The following INO80D variants were observed in gnomAD, a reference collection of about 807,000 sequenced individuals.
INO80D encodes INO80 complex subunit D.
A neutral mutation model predicts 87.6 loss-of-function variants in INO80D; 21 were observed. That is an observed-to-expected ratio of 0.24 (90% CI 0.17 to 0.35). INO80D has a LOEUF of 0.35. Among genes scored for constraint, INO80D ranks in the 10% least tolerant of loss-of-function variants. The probability of loss-of-function intolerance (pLI) is 1.00; values close to 1 mark genes in which losing one functional copy is unlikely to be tolerated. For missense variants in INO80D, 982 were observed against 1,280.7 expected, an observed-to-expected ratio of 0.77 and a Z score of 3.56; for synonymous variants, 440 against 491.0, an observed-to-expected ratio of 0.90 and a Z score of 1.37.
intron 1 of INO80D, among the ~76,000 whole-genome samples, chr2:206,075,955 G>A (rs1490567380): frequency 2.6e-5 from 4 of 151,204 alleles, no homozygotes; most frequent in Non-Finnish European, 4.4e-5. Context: ...TGGAGGCTGA[G>A]ACAGGAAAAC....
intron 5 of INO80D, among the ~76,000 whole-genome samples, chr2:206,039,936 A>C (rs1174400875): frequency 6.6e-6 from 1 of 152,090 alleles, no homozygotes; most frequent in Admixed American, 6.6e-5. Context: ...AAGCTTCTGA[A>C]TCTAACTCAA....
At chr2:206,021,837 C>A (rs1487397926) in intron 6 of INO80D, among the ~76,000 whole-genome samples, 1 of 151,620 alleles carries the variant, frequency 6.6e-6, no homozygotes, top group East Asian at 2.0e-4. Context: ...TGGTCTTGAA[C>A]TCCTGACCTC....
intron 5 of INO80D, among the ~76,000 whole-genome samples, chr2:206,042,674 T>A (rs1209802368): frequency 8.3e-6 from 1 of 120,466 alleles, no homozygotes; most frequent in South Asian, 3.7e-4. Flanking sequence ...GAGCGAGACT[T>A]TGTCTCAAAA....
At position 206,056,893 on chromosome 2, in the gene INO80D, C is replaced by T; in HGVS notation, c.269G>A (p.Arg90Lys). 6.2e-7 allele frequency: 1 copy of T among 1,607,994 alleles called. No individual in the cohort carries two copies. The highest frequency in any genetic ancestry group is 1.1e-5 in the South Asian group (1 of 90,420). The change falls in exon 4 of 11, where the codon AGG becomes AAG. Residue 90 changes from arginine (R) to lysine (K), a missense_variant. Transcript: ENST00000403263. ...ATCTATAGGATCATTCTTTTTCTTC[C>T]TCTCTTTTTTCGGGATAAAGCCAAG... ...QVLGFIPKKE[R>K]KKKNDPIDEV...
chr2:206,026,101 G>A (rs764885332), intron 6 of INO80D, among the ~76,000 whole-genome samples: 23 of 152,026 alleles, frequency 1.5e-4, no homozygotes, highest in Admixed American at 1.0e-3. Context: ...GTCTCATCAC[G>A]TTGTCCAGGC....
At chr2:206,042,765 C>A (rs983231137) in intron 5 of INO80D, among the ~76,000 whole-genome samples, 1 of 151,604 alleles carries the variant, frequency 6.6e-6, no homozygotes, top group Non-Finnish European at 1.5e-5. Context: ...CAGGAGGACT[C>A]CTTGAAGCAA....
intron 6 of INO80D, among the ~76,000 whole-genome samples, chr2:206,022,599 C>T (rs959052850): frequency 1.3e-5 from 2 of 152,122 alleles, no homozygotes; most frequent in Non-Finnish European, 2.9e-5. Flanking sequence ...CTGCAAGATA[C>T]TTAATTTGGG....
At chr2:206,032,347 C>G (rs1688791491) in intron 5 of INO80D, among the ~76,000 whole-genome samples, 1 of 152,170 alleles carries the variant, frequency 6.6e-6, no homozygotes, top group South Asian at 2.1e-4. Context: ...TTAGGTGGGG[C>G]ATGGTGGGAG....
chr2:206,080,475 T>C (rs1241065712), intron 1 of INO80D, among the ~76,000 whole-genome samples: 1 of 152,200 alleles, frequency 6.6e-6, no homozygotes, highest in Non-Finnish European at 1.5e-5. Context: ...AAATGGAATA[T>C]ACTGCACAAT....
chr2:206,040,079 G>A (rs1405669956), intron 5 of INO80D, among the ~76,000 whole-genome samples: 1 of 151,656 alleles, frequency 6.6e-6, no homozygotes, highest in Non-Finnish European at 1.5e-5. Context: ...GATTACTTGA[G>A]GTCAGGAGTT....
intron 1 of INO80D, among the ~76,000 whole-genome samples, chr2:206,071,244 C>CT (rs761234996): frequency 0.22 from 4 of 18 alleles, 2 homozygotes; most frequent in Non-Finnish European, 0.5. Flanking sequence ...CAGGCATAAG[C>CT]ACCACGCCCG....
chr2:206,017,469 TAG>T (rs1473471695), intron 8 of INO80D, among the ~76,000 whole-genome samples: 2 of 152,136 alleles, frequency 1.3e-5, no homozygotes, highest in Non-Finnish European at 2.9e-5. Flanking sequence ...AGCAAAAACT[TAG>T]AGACATAGGA....
chr2:206,019,682 C>T (rs1688407649), intron 7 of INO80D, 54 bp downstream of exon 7: 2 of 1,282,440 alleles, frequency 1.6e-6, no homozygotes, highest in East Asian at 4.8e-5. Flanking sequence ...AAATATACAG[C>T]CCCAAATTAG....
intron 5 of INO80D, among the ~76,000 whole-genome samples, chr2:206,036,903 G>C (rs551894064): frequency 2.0e-5 from 3 of 152,202 alleles, no homozygotes; most frequent in African/African-American, 7.2e-5. Flanking sequence ...GACTGACACA[G>C]GTCCACAGAC....
At chr2:206,020,836 T>C (rs1232006664) in intron 6 of INO80D, among the ~76,000 whole-genome samples, 1 of 151,936 alleles carries the variant, frequency 6.6e-6, no homozygotes, top group Non-Finnish European at 1.5e-5. Flanking sequence ...CACAAACATA[T>C]AAAAACACAA....
At chr2:206,066,768 G>A (rs557827162) in intron 1 of INO80D, among the ~76,000 whole-genome samples, 1 of 147,120 alleles carries the variant, frequency 6.8e-6, no homozygotes, top group South Asian at 2.1e-4. Context: ...TCGCACTACT[G>A]CACTCCAGCC....
At chr2:206,031,569 C>G (rs1688767619) in intron 5 of INO80D, among the ~76,000 whole-genome samples, 2 of 152,262 alleles carry the variant, frequency 1.3e-5, no homozygotes, top group East Asian at 3.8e-4. Context: ...AGCACCGCCA[C>G]TGCTGCATGG....
In INO80D at chr2:206,004,465, C is replaced by G; in HGVS notation, c.2987G>C (p.Ser996Thr). 6.2e-7 allele frequency: 1 copy of G among 1,606,516 alleles called. No individual in the cohort carries two copies. The highest frequency in any genetic ancestry group is 8.5e-7 in the Non-Finnish European group (1 of 1,176,506). ...HSGIPKDLQPSHSSIAPPTGF... is the reference protein window; with the variant it reads ...HSGIPKDLQPTHSSIAPPTGF... ...TGTAGGAGGGGCTATAGAGCTGTGG[C>G]TGGGCTGCAGGTCCTTAGGAATGCC... The change falls in exon 11 of 11, where the codon AGC becomes ACC. Residue 996 changes from serine to threonine, a missense_variant. Coordinates refer to ENST00000403263, the MANE Select transcript of INO80D (RefSeq NM_017759.5). This position sits in a 1 kb window ranked among gnomAD's most constrained non-coding sequence, Gnocchi z 4.9.
chr2:206,082,074 G>A (rs1368683519), intron 1 of INO80D, among the ~76,000 whole-genome samples: 1 of 152,200 alleles, frequency 6.6e-6, no homozygotes, highest in Admixed American at 6.5e-5. Flanking sequence ...AGGCTGGAAT[G>A]CAATGGTGCA....
Sources: gnomAD v4.1 joint callset for allele counts (sites outside exome capture counted in the v4.1 genomes callset) on GRCh38, gnomAD v4.1.1 for gene constraint, Gnocchi (gnomAD v3.1) non-coding constraint, MANE v1.5 for transcripts, NCBI Gene and HGNC (gene_info 2026-07-23, HGNC 2026-07-21) for gene names.